Variants in MASP2 observed in about 807,000 individuals in gnomAD.
MASP2 encodes MBL associated serine protease 2, also known as mannan-binding lectin serine protease 2.
A neutral mutation model predicts 57.1 loss-of-function variants in MASP2; 49 were observed. That is an observed-to-expected ratio of 0.86 (90% CI 0.68 to 1.09). MASP2 has a LOEUF of 1.09. Among genes scored for constraint, MASP2 ranks in the 50% least tolerant of loss-of-function variants. MASP2 has a pLI of 0.00. For missense variants in MASP2, 900 were observed against 874.8 expected (o/e 1.03, Z -0.36); for synonymous variants, 379 against 340.8 (o/e 1.11, Z -1.24).
chr1:11,044,873 C>T lies in MASP2; in HGVS notation c.544+535G>A, dbSNP rs1042945898. 13 of 1,573,576 alleles carry T rather than the reference C, an allele frequency of 8.3e-6. No individual in the cohort carries two copies. The African/African-American group carries it at 1.2e-4, about 15-fold the overall frequency. On this transcript the variant is annotated intron_variant, in intron 4 of 10. Transcript: ENST00000400897. The stretch of plus-strand genomic sequence containing the variant: ...GGGGCACAGCCATCTCAGCCCAACC[C>T]GGAGCTGAGGCCAGCAGGCTGGCTC...
In MASP2 at chr1:11,027,490, A is replaced by G. The variant is rs754623722; in HGVS notation, c.1456T>C (p.Tyr486His). The G allele has an allele frequency of 8.7e-6, 14 of 1,614,062 alleles. No homozygotes were observed. In the South Asian group the frequency reaches 1.2e-4, roughly 14 times the overall value. The change falls in exon 11 of 11, where the codon TAT becomes CAT. Residue 486 changes from tyrosine to histidine, a missense_variant. Coordinates refer to ENST00000400897, the MANE Select transcript of MASP2 (RefSeq NM_006610.4). ...GCGGATGCATCATGTTTTTGCTCATAGACGGCATGAGCAGCTGTTAGGACC... is the reference window on the plus strand; with the variant it reads ...GCGGATGCATCATGTTTTTGCTCATGGACGGCATGAGCAGCTGTTAGGACC... ...NWVLTAAHAV[Y>H]EQKHDASALD...
At chr1:11,032,783 C>T (rs1221667924) in intron 8 of MASP2, among the ~76,000 whole-genome samples, 3 of 151,722 alleles carry the variant, frequency 2.0e-5, no homozygotes, top group Non-Finnish European at 4.4e-5. Flanking sequence ...GTGGGAAGTG[C>T]TTGTAATCCC....
rs138934492 is a variant in MASP2 at position 11,027,043 on chromosome 1, C to T, written c.1903G>A (p.Gly635Arg). ...TCACTATCTAGAAACACCAGTGCCCCTCCGCTGTCACCTCTGCAGCTGTCC... is the reference window on the plus strand; with the variant it reads ...TCACTATCTAGAAACACCAGTGCCCTTCCGCTGTCACCTCTGCAGCTGTCC... ...GKDSCRGDSG[G>R]ALVFLDSETE... The change falls in exon 11 of 11, where the codon GGG becomes AGG. Residue 635 changes from glycine to arginine, a missense_variant. By Grantham distance (125) the Gly-to-Arg change is moderately radical. Transcript: ENST00000400897. 3.9e-5 allele frequency: 63 copies of T among 1,595,312 alleles called. No homozygotes were observed. In the Middle Eastern group the frequency reaches 6.7e-4, roughly 17 times the overall value.
rs201988936 is a variant in MASP2 at position 11,030,217 on chromosome 1, G to A, written c.1256C>T (p.Thr419Met). ...KYVCEADGFWTSSKGEKSLPV... is the reference protein window; with the variant it reads ...KYVCEADGFWMSSKGEKSLPV... The stretch of plus-strand genomic sequence containing the variant: ...GAGTGATTTTTCTCCTTTGGAGCTC[G>A]TCCAGAATCCATCAGCCTCACACAC... Residue 419 changes from threonine to methionine, a missense_variant, in exon 10 of 11, where the codon ACG becomes ATG. Physicochemically the swap from Thr to Met is moderately conservative, Grantham distance 81. Coordinates refer to ENST00000400897, the MANE Select transcript of MASP2 (RefSeq NM_006610.4). The A allele has an allele frequency of 4.2e-5, 68 of 1,613,478 alleles. No homozygotes were observed. In the African/African-American group the frequency reaches 4.4e-4, roughly 10 times the overall value.
chr1:11,032,768 G>A (rs2100880176), intron 8 of MASP2, among the ~76,000 whole-genome samples: 1 of 151,790 alleles, frequency 6.6e-6, no homozygotes, highest in East Asian at 2.0e-4. Context: ...AATTAGCTGG[G>A]CTTGGTGGGA....
chr1:11,036,510 C>CAAAAAAAAAAAAAAAAAAAAAAAAAA (rs35642467), intron 7 of MASP2, among the ~76,000 whole-genome samples: 1 of 54,348 alleles, frequency 1.8e-5, no homozygotes, highest in Non-Finnish European at 3.3e-5. Flanking sequence ...GACTCCGTCT[C>CAAAAAAAAAAAAAAAAAAAAAAAAAA]AAAAAAAAAA....
Position 11,036,367 on chromosome 1 carries a change from G to A in MASP2, c.1008+1326C>T, listed in dbSNP as rs533525445. Among the ~76,000 whole-genome samples the A allele has an allele frequency of 2.8e-3, 417 of 150,252 alleles. 5 individuals are homozygous for A. Among genetic ancestry groups the A allele is most frequent in the African/African-American group, 8.9e-3 (366 of 41,068 alleles). Reference sequence around the variant, plus strand: ...AAAATACAAAAAATTAGCCGGGCGCGGTGGCGGGCGCCTGTAGTCCCAGCT... The same window carrying A: ...AAAATACAAAAAATTAGCCGGGCGCAGTGGCGGGCGCCTGTAGTCCCAGCT... On this transcript the variant is annotated intron_variant, in intron 7 of 10. Coordinates refer to ENST00000400897, the MANE Select transcript of MASP2 (RefSeq NM_006610.4).
At chr1:11,036,510 C>CAAAAAAAAAAAAAAAAAAAAAAAAAAAAA (rs35642467) in intron 7 of MASP2, among the ~76,000 whole-genome samples, 1 of 54,330 alleles carries the variant, frequency 1.8e-5, no homozygotes, top group Non-Finnish European at 3.3e-5. Flanking sequence ...GACTCCGTCT[C>CAAAAAAAAAAAAAAAAAAAAAAAAAAAAA]AAAAAAAAAA....
At chr1:11,045,578 A>G in intron 3 of MASP2, 39 bp from the exon 4 acceptor site, 4 of 1,576,326 alleles carry the variant, frequency 2.5e-6, no homozygotes, top group South Asian at 1.1e-5. Context: ...GTCAGGAGGG[A>G]AAGAGGCGGG....
chr1:11,030,744 A>G lies in MASP2; in HGVS notation c.1222+4T>C. 6.3e-7 allele frequency: 1 copy of G among 1,595,580 alleles called. No individual in the cohort carries two copies. Among genetic ancestry groups the G allele is most frequent in the South Asian group, 1.1e-5 (1 of 87,482 alleles). ...CCACCCCCAACTTTGAAGAATTTGC[A>G]TACCATCATTCACTTTCATTGTGTA... On this transcript the variant is annotated splice_donor_region_variant and intron_variant, in intron 9 of 10. Coordinates refer to ENST00000400897, the MANE Select transcript of MASP2 (RefSeq NM_006610.4).
chr1:11,038,805 G>T (rs1160328906), intron 6 of MASP2, among the ~76,000 whole-genome samples: 1 of 152,240 alleles, frequency 6.6e-6, no homozygotes, highest in Non-Finnish European at 1.5e-5. Context: ...GGTGGTGGAA[G>T]TTCTGGCAGG....
At chr1:11,037,128 C>T (rs961562698) in intron 7 of MASP2, among the ~76,000 whole-genome samples, 1 of 152,170 alleles carries the variant, frequency 6.6e-6, no homozygotes, top group Non-Finnish European at 1.5e-5. Context: ...TTTCGGCTCA[C>T]CGCAACCTGC....
chr1:11,042,809 C>T (rs1220360691), intron 6 of MASP2, 66 bp downstream of exon 6: 3 of 1,578,246 alleles, frequency 1.9e-6, no homozygotes, highest in Non-Finnish European at 2.6e-6. Context: ...CTCTACAGCT[C>T]CTTGACACTC....
At position 11,045,461 on chromosome 1, in the gene MASP2, T is replaced by C. The variant is rs1406465501; in HGVS notation, c.491A>G (p.Tyr164Cys). ...HHCHNHLGGF[Y>C]CSCRAGYVLH... ...GACGTAGCCTGCGCGGCAGGAGCAGTAGAAACCGCCCAGGTGGTTGTGGCA... is the reference window on the plus strand; with the variant it reads ...GACGTAGCCTGCGCGGCAGGAGCAGCAGAAACCGCCCAGGTGGTTGTGGCA... The change falls in exon 4 of 11, where the codon TAC (tyrosine) becomes TGC (cysteine). Residue 164 changes from tyrosine to cysteine, a missense_variant. By Grantham distance (194) the Tyr-to-Cys change is radical (BLOSUM62 -2). Coordinates refer to ENST00000400897, the MANE Select transcript of MASP2 (RefSeq NM_006610.4). 1 of 1,613,058 alleles carries C rather than the reference T, an allele frequency of 6.2e-7. No homozygotes were observed. The highest frequency in any genetic ancestry group is 1.1e-5 in the South Asian group (1 of 91,082).
intron 3 of MASP2, chr1:11,046,170 G>C (rs111646202): frequency 3.1e-6 from 1 of 317,536 alleles, no homozygotes; most frequent in African/African-American, 2.2e-5. Flanking sequence ...GCACCACCAC[G>C]CCCAGCTAAT....
intron 9 of MASP2, chr1:11,030,461 T>C (rs1279350848): frequency 3.4e-6 from 2 of 583,526 alleles, no homozygotes; most frequent in Non-Finnish European, 6.0e-6. Flanking sequence ...GTAACTTGAA[T>C]ATGTATCAAG....
At chr1:11,036,632 T>C (rs1191396766) in intron 7 of MASP2, among the ~76,000 whole-genome samples, 2,960 of 144,024 alleles carry the variant, frequency 0.021, 88 homozygotes, top group African/African-American at 0.073. Context: ...TGTCTCTCTT[T>C]TTTTTTTTTT....
intron 6 of MASP2, among the ~76,000 whole-genome samples, chr1:11,038,865 G>A (rs1291562058): frequency 6.6e-6 from 1 of 152,198 alleles, no homozygotes; most frequent in Non-Finnish European, 1.5e-5. Flanking sequence ...GAGAGGCAGA[G>A]TGTGTAGATC....
At chr1:11,041,096 AGGATGGATAGAT>A (rs796417090) in intron 6 of MASP2, among the ~76,000 whole-genome samples, 2,173 of 10,138 alleles carry the variant, frequency 0.21, 105 homozygotes, top group African/African-American at 0.37. Context: ...GATGGATAGA[AGGATGGATAGAT>A]GGATGGATGG....
Sources: allele counts gnomAD v4.1 joint callset (sites outside exome capture counted in the v4.1 genomes callset), GRCh38; gene constraint gnomAD v4.1.1; transcripts MANE v1.5; gene names NCBI Gene and HGNC (gene_info 2026-07-23, HGNC 2026-07-21).